ZWILCH: variants seen among roughly 807,000 people sequenced by gnomAD.
ZWILCH encodes protein zwilch homolog.
Under a neutral mutation model 79.9 loss-of-function variants are expected in ZWILCH, and 74 were observed. The observed-to-expected ratio is 0.93, with a 90% confidence interval of 0.77 to 1.12. The LOEUF (loss-of-function observed/expected upper bound fraction) is 1.12. Among genes scored for constraint, ZWILCH ranks in the 50% most tolerant of loss-of-function variants. The pLI, the probability that ZWILCH is intolerant of heterozygous loss-of-function variation, is 0.00. For synonymous variants in ZWILCH, 241 were observed against 228.2 expected (o/e 1.06, Z -0.51); for missense variants, 694 against 687.5 (o/e 1.01, Z -0.11).
chr15:66,521,765 C>T (rs903541048), intron 7 of ZWILCH, among the ~76,000 whole-genome samples: 5 of 152,060 alleles, frequency 3.3e-5, no homozygotes, highest in Non-Finnish European at 7.4e-5. Flanking sequence ...AAGTGGCTCA[C>T]GCCGGGATTA....
intron 6 of ZWILCH, 35 bp from the exon 7 acceptor site, chr15:66,521,015 A>G (rs1567044345): frequency 2.5e-6 from 4 of 1,601,740 alleles, no homozygotes; most frequent in Non-Finnish European, 3.4e-6. Flanking sequence ...ATGTGGAAGC[A>G]CAGCTAAATG....
intron 1 of ZWILCH, 155 bp from the exon 2 acceptor site, chr15:66,508,684 TTC>T (rs1467763066): frequency 5.9e-6 from 8 of 1,364,034 alleles, no homozygotes; most frequent in East Asian, 2.6e-5. Flanking sequence ...TCTGCTTTTT[TTC>T]TCTCTCTGCA....
chr15:66,549,173 G>T lies in ZWILCH; in HGVS notation c.*849G>T, dbSNP rs186893165. 2.6e-5 allele frequency: 4 copies of T among 152,250 alleles called. No individual in the cohort carries two copies. Among genetic ancestry groups the T allele is most frequent in the Admixed American group, 2.0e-4 (3 of 15,278 alleles). The allele number at this position is 152,250 out of a possible 1,614,324, so 9.4% of individuals were successfully genotyped here. ...TTTTATCTTGTGTGCTGGGTACTCT[G>T]GTTACTGAGATAAATAAGGCACTGG... On this transcript the variant is annotated 3_prime_UTR_variant, in exon 19 of 19. Coordinates refer to ENST00000307897, the MANE Select transcript of ZWILCH (RefSeq NM_017975.5).
At chr15:66,545,795 T>G (rs967868935) in intron 17 of ZWILCH, among the ~76,000 whole-genome samples, 3 of 152,194 alleles carry the variant, frequency 2.0e-5, no homozygotes, top group African/African-American at 7.2e-5. Flanking sequence ...AAGTCTTAAT[T>G]GTAAATATGG....
At chr15:66,513,435 A>G (rs1342538532) in intron 2 of ZWILCH, among the ~76,000 whole-genome samples, 1 of 151,934 alleles carries the variant, frequency 6.6e-6, no homozygotes, top group Non-Finnish European at 1.5e-5. Context: ...GTGCGGTGGC[A>G]CACACCTGAA....
At chr15:66,512,886 C>T (rs1220688495) in intron 2 of ZWILCH, among the ~76,000 whole-genome samples, 2 of 152,218 alleles carry the variant, frequency 1.3e-5, no homozygotes, top group Non-Finnish European at 2.9e-5. Context: ...AGCTCCACCT[C>T]CCAGGTTCAA....
At chr15:66,513,655 C>T (rs188346030) in intron 2 of ZWILCH, among the ~76,000 whole-genome samples, 1,955 of 151,674 alleles carry the variant, frequency 0.013, 35 homozygotes, top group African/African-American at 0.044. Flanking sequence ...CACTGCAAGC[C>T]CCGCCTCCCG....
At chr15:66,529,051 T>G in intron 11 of ZWILCH, 94 bp downstream of exon 11, 1 of 929,330 alleles carries the variant, frequency 1.1e-6, no homozygotes, top group Non-Finnish European at 1.7e-6. Context: ...ACTAGTTTTG[T>G]GGGGAAGTCT....
At chr15:66,533,133 G>A (rs1451621831) in intron 14 of ZWILCH, 120 bp downstream of exon 14, 1 of 570,194 alleles carries the variant, frequency 1.8e-6, no homozygotes, top group South Asian at 3.6e-5. Context: ...GGATAAATAA[G>A]ACAGTCAGTG....
At chr15:66,516,829 GCCTCTTCCTTCATAGGTA>G (rs143326226) in intron 4 of ZWILCH, among the ~76,000 whole-genome samples, 1,967 of 152,168 alleles carry the variant, frequency 0.013, 35 homozygotes, top group African/African-American at 0.045. Flanking sequence ...AGTTTAATCA[GCCTCTTCCTTCATAGGTA>G]CTTGATTTTA....
chr15:66,519,099 G>A lies in ZWILCH; in HGVS notation c.520+21G>A, dbSNP rs200477108. ...TAAAGGTGAGTGCTCTCTCTAGAGA[G>A]TGTGTGTGTGTATTTATTCATTTGT... On this transcript the variant is annotated intron_variant, in intron 5 of 18. Transcript: ENST00000307897. The A allele has an allele frequency of 5.8e-6, 9 of 1,563,816 alleles. No homozygotes were observed. The East Asian group carries it at 2.0e-4, about 35-fold the overall frequency.
At chr15:66,510,412 A>G (rs542827325) in intron 2 of ZWILCH, among the ~76,000 whole-genome samples, 2 of 151,728 alleles carry the variant, frequency 1.3e-5, no homozygotes, top group Non-Finnish European at 2.9e-5. Context: ...TCAATGAGAA[A>G]GACAAAAAAG....
intron 17 of ZWILCH, among the ~76,000 whole-genome samples, chr15:66,542,794 G>A (rs1895235358): frequency 6.6e-6 from 1 of 151,948 alleles, no homozygotes; most frequent in Non-Finnish European, 1.5e-5. Context: ...AGAGTTCAAG[G>A]CTAGCCTGGG....
Position 66,540,212 on chromosome 15 carries a change from T to C in ZWILCH, c.1687+2T>C, listed in dbSNP as rs145375573. 45 of 1,597,170 alleles carry C rather than the reference T, an allele frequency of 2.8e-5. No individual in the cohort carries two copies. The highest frequency in any genetic ancestry group is 3.8e-5 in the Non-Finnish European group (44 of 1,166,422). ...ACCATCTGAATTTTCACAAACCTGG[T>C]AAAGATGGTTTATAATCTGTTCAGA... On this transcript the variant is annotated splice_donor_variant, in intron 17 of 18. Coordinates refer to ENST00000307897, the MANE Select transcript of ZWILCH (RefSeq NM_017975.5). LOFTEE classifies it high-confidence loss of function.
intron 11 of ZWILCH, among the ~76,000 whole-genome samples, chr15:66,529,282 G>A (rs1373847740): frequency 6.6e-6 from 1 of 151,532 alleles, no homozygotes; most frequent in Non-Finnish European, 1.5e-5. Context: ...ATTTTACTAA[G>A]CATATTATTT....
At chr15:66,539,490 A>T (rs1246314540) in intron 16 of ZWILCH, among the ~76,000 whole-genome samples, 1 of 151,622 alleles carries the variant, frequency 6.6e-6, no homozygotes. Flanking sequence ...TCTTCACATC[A>T]TCATTACTTT....
Position 66,548,375 on chromosome 15 carries a change from A to G in ZWILCH, c.*51A>G. The G allele has an allele frequency of 2.0e-6, 1 of 507,386 alleles. No homozygotes were observed. The highest frequency in any genetic ancestry group is 2.8e-5 in the East Asian group (1 of 35,122). The allele number at this position is 507,386 out of a possible 1,614,324, so 31.4% of individuals were successfully genotyped here. A position where few individuals can be genotyped will look rare whatever the true frequency, so the allele number is the denominator to read the frequency against. The stretch of plus-strand genomic sequence containing the variant: ...GCACAAGCCAAAAAGAGAAAGAGAA[A>G]AAAAGGTAATTATTGTAGAACCTGA... On this transcript the variant is annotated 3_prime_UTR_variant, in exon 19 of 19. Coordinates refer to ENST00000307897, the MANE Select transcript of ZWILCH (RefSeq NM_017975.5).
Position 66,535,851 on chromosome 15 carries a change from G to C in ZWILCH, c.1342-82G>C, listed in dbSNP as rs1423654307. ...CCTGTTATCAAGCATCCAAATGTAG[G>C]TGTAGAAGGCATACCTATATTCTTT... is the stretch of plus-strand genomic sequence containing the variant. On this transcript the variant is annotated intron_variant, in intron 14 of 18. Coordinates refer to ENST00000307897, the MANE Select transcript of ZWILCH (RefSeq NM_017975.5). The C allele has an allele frequency of 3.4e-6, 4 of 1,193,174 alleles. No individual in the cohort carries two copies. The Admixed American group carries it at 1.1e-4, about 34-fold the overall frequency. The allele number at this position is 1,193,174 out of a possible 1,614,324, so 73.9% of individuals were successfully genotyped here.
chr15:66,512,551 A>T (rs1421935495), intron 2 of ZWILCH, among the ~76,000 whole-genome samples: 3 of 151,718 alleles, frequency 2.0e-5, no homozygotes, highest in Non-Finnish European at 2.9e-5. Flanking sequence ...TCCAGCATAT[A>T]TTTATATTTA....
Sources: gnomAD v4.1 joint callset for allele counts (sites outside exome capture counted in the v4.1 genomes callset) on GRCh38, gnomAD v4.1.1 for gene constraint, MANE v1.5 for transcripts, NCBI Gene and HGNC (gene_info 2026-07-23, HGNC 2026-07-21) for gene names.